TAFA5: variants seen among roughly 807,000 people sequenced by gnomAD.
The protein encoded by TAFA5 is chemokine-like protein TAFA-5.
TAFA5 carries 6 observed loss-of-function variants against 15.3 expected under a neutral mutation model. That is an observed-to-expected ratio of 0.39 (90% confidence interval 0.21 to 0.77). TAFA5 has a LOEUF of 0.77. Among genes scored for constraint, TAFA5 ranks in the 30% least tolerant of loss-of-function variants. TAFA5 has a pLI of 0.41. For missense variants in TAFA5, 161 were observed against 193.1 expected (o/e 0.83, Z 0.98); for synonymous variants, 103 against 80.7 (o/e 1.28, Z -1.48).
rs538341611 is a variant in TAFA5 at position 48,650,262 on chromosome 22, G to A, written c.262+3516G>A. 4.6e-5 allele frequency among the ~76,000 whole-genome samples: 7 copies of A among 152,312 alleles called. No homozygotes were observed. The East Asian group carries it at 5.8e-4, about 13-fold the overall frequency. ...CGTGACCACAGGCGCTCGGAATGCC[G>A]GAGCAAGCCTGACTGTGCTCACTTG... On this transcript the variant is annotated intron_variant, in intron 2 of 3. Transcript: ENST00000402357.
chr22:48,492,852 G>A (rs1928203910), intron 1 of TAFA5, among the ~76,000 whole-genome samples: 1 of 152,166 alleles, frequency 6.6e-6, no homozygotes, highest in African/African-American at 2.4e-5. Context: ...TCTCCATTCT[G>A]GTCTGAGGAA....
At chr22:48,708,458 G>C (rs1225302789) in intron 3 of TAFA5, among the ~76,000 whole-genome samples, 1 of 152,208 alleles carries the variant, frequency 6.6e-6, no homozygotes, top group Non-Finnish European at 1.5e-5. Context: ...GCGGGAGCTT[G>C]GGGAACGCCG....
chr22:48,685,381 T>C (rs1210647685), intron 2 of TAFA5, among the ~76,000 whole-genome samples: 1 of 152,180 alleles, frequency 6.6e-6, no homozygotes, highest in African/African-American at 2.4e-5. Flanking sequence ...AAAAAGGAGA[T>C]GCAAATTTTC....
At chr22:48,629,770 G>A (rs545712979) in intron 1 of TAFA5, among the ~76,000 whole-genome samples, 41 of 152,292 alleles carry the variant, frequency 2.7e-4, no homozygotes, top group African/African-American at 9.4e-4. Flanking sequence ...TGCTTGGGAC[G>A]GTCCCTAGCA....
intron 3 of TAFA5, among the ~76,000 whole-genome samples, chr22:48,734,885 T>C (rs538432852): frequency 6.6e-6 from 1 of 152,298 alleles, no homozygotes; most frequent in Non-Finnish European, 1.5e-5. Flanking sequence ...TCACACCATG[T>C]TCAAAACTAA....
intron 2 of TAFA5, among the ~76,000 whole-genome samples, chr22:48,685,575 T>C (rs1334016035): frequency 6.6e-6 from 1 of 152,154 alleles, no homozygotes; most frequent in Non-Finnish European, 1.5e-5. Flanking sequence ...ATCTCTCTTT[T>C]AATGATACTG....
chr22:48,612,256 G>T (rs1271075725), intron 1 of TAFA5, among the ~76,000 whole-genome samples: 3 of 152,088 alleles, frequency 2.0e-5, no homozygotes, highest in Non-Finnish European at 4.4e-5. Context: ...CAGCGTGGGT[G>T]ACTCCAGTGC....
At chr22:48,692,993 C>T (rs1229402216) in intron 2 of TAFA5, among the ~76,000 whole-genome samples, 6 of 152,208 alleles carry the variant, frequency 3.9e-5, no homozygotes, top group Non-Finnish European at 7.3e-5. Context: ...GTAAGAACTC[C>T]GCGAGCCCGT....
At chr22:48,679,613 G>A (rs1477986974) in intron 2 of TAFA5, among the ~76,000 whole-genome samples, 1 of 44,052 alleles carries the variant, frequency 2.3e-5, no homozygotes, top group Non-Finnish European at 4.0e-5. Context: ...CGGGCTCCCC[G>A]TCCATCCCTC....
intron 2 of TAFA5, among the ~76,000 whole-genome samples, chr22:48,678,865 G>A (rs937405511): frequency 3.4e-5 from 4 of 117,446 alleles, no homozygotes; most frequent in African/African-American, 1.2e-4. Context: ...CTGAGTTCCG[G>A]TGCCAGGGCA....
chr22:48,496,044 C>T (rs6008738), intron 1 of TAFA5, among the ~76,000 whole-genome samples: 6,359 of 152,324 alleles, frequency 0.042, 445 homozygotes, highest in African/African-American at 0.14. Context: ...GCCCGGCTTA[C>T]TCCCTAAATG....
At chr22:48,634,089 C>G (rs185083733) in intron 1 of TAFA5, among the ~76,000 whole-genome samples, 1 of 151,496 alleles carries the variant, frequency 6.6e-6, no homozygotes, top group East Asian at 2.0e-4. Flanking sequence ...AGAGGAGAGT[C>G]TCTGTCCCTT....
intron 1 of TAFA5, among the ~76,000 whole-genome samples, chr22:48,498,426 TA>T (rs1920937083): frequency 6.6e-6 from 1 of 152,068 alleles, no homozygotes; most frequent in Admixed American, 6.5e-5. Flanking sequence ...ACAGTTTGAT[TA>T]ATAATAATAA....
chr22:48,696,014 A>T (rs1215857100), intron 2 of TAFA5, among the ~76,000 whole-genome samples: 1 of 152,174 alleles, frequency 6.6e-6, no homozygotes, highest in South Asian at 2.1e-4. Flanking sequence ...AGCTGGGTCA[A>T]CTGGGGTCCA....
chr22:48,553,259 C>T (rs192287688), intron 1 of TAFA5, among the ~76,000 whole-genome samples: 33 of 152,238 alleles, frequency 2.2e-4, no homozygotes, highest in Admixed American at 2.2e-3. Context: ...ACTATGTCTC[C>T]GTGGAGGCCC....
chr22:48,693,129 C>T (rs374105299), intron 2 of TAFA5: 27 of 668,522 alleles, frequency 4.0e-5, no homozygotes, highest in East Asian at 2.2e-4. Context: ...AGTAGCTGAG[C>T]GCAGGACGTG....
At chr22:48,710,316 T>C (rs958522493) in intron 3 of TAFA5, among the ~76,000 whole-genome samples, 1 of 152,170 alleles carries the variant, frequency 6.6e-6, no homozygotes, top group African/African-American at 2.4e-5. Flanking sequence ...GATAATGCCT[T>C]GTCAGACAGC....
At chr22:48,745,729 G>T (rs925551162) in intron 3 of TAFA5, among the ~76,000 whole-genome samples, 1 of 152,208 alleles carries the variant, frequency 6.6e-6, no homozygotes, top group African/African-American at 2.4e-5. Context: ...TGTGGTCCAC[G>T]TGGGTACTTG....
At chr22:48,731,697 C>A (rs1438486778) in intron 3 of TAFA5, among the ~76,000 whole-genome samples, 1 of 152,170 alleles carries the variant, frequency 6.6e-6, no homozygotes. Flanking sequence ...ACCGATGAGA[C>A]CTACTGCTCA....
Sources: gnomAD v4.1 joint callset for allele counts (sites outside exome capture counted in the v4.1 genomes callset) on GRCh38, gnomAD v4.1.1 for gene constraint, MANE v1.5 for transcripts, NCBI Gene and HGNC (gene_info 2026-07-23, HGNC 2026-07-21) for gene names.